Variants in C8orf34 observed in about 807,000 individuals in gnomAD.
C8orf34 encodes the protein chromosome 8 open reading frame 34, also known as uncharacterized protein C8orf34.
Under a neutral mutation model 68.3 loss-of-function variants are expected in C8orf34, and 65 were observed. The ratio of observed to expected loss-of-function variants is 0.95; its 90% CI spans 0.78 to 1.17. The LOEUF is 1.17. C8orf34 is among the 50% of genes most tolerant of loss of function. The probability of loss-of-function intolerance (pLI) is 0.00; values close to 1 mark genes in which losing one functional copy is unlikely to be tolerated. For synonymous variants in C8orf34, 244 were observed against 241.2 expected, an observed-to-expected ratio of 1.01 and a Z score of -0.11; for missense variants, 664 against 655.4, an observed-to-expected ratio of 1.01 and a Z score of -0.14.
At chr8:68,719,220 T>C (rs1821562041) in intron 9 of C8orf34, among the ~76,000 whole-genome samples, 1 of 152,126 alleles carries the variant, frequency 6.6e-6, no homozygotes, top group South Asian at 2.1e-4. Context: ...ATTTGGGCTA[T>C]TTGGCAGTAT....
At chr8:68,411,940 G>A (rs1266036943) in intron 1 of C8orf34, among the ~76,000 whole-genome samples, 1 of 152,192 alleles carries the variant, frequency 6.6e-6, no homozygotes, top group East Asian at 1.9e-4. Context: ...TTTGGGAGGT[G>A]ATTAAGTCAT....
chr8:68,391,402 T>G (rs937327447), intron 1 of C8orf34, among the ~76,000 whole-genome samples: 5 of 152,140 alleles, frequency 3.3e-5, no homozygotes, highest in Admixed American at 3.3e-4. Context: ...TATACTGACA[T>G]GCTGGTGGCC....
chr8:68,629,139 A>G (rs1469392241), intron 7 of C8orf34, among the ~76,000 whole-genome samples: 1 of 152,192 alleles, frequency 6.6e-6, no homozygotes, highest in East Asian at 1.9e-4. Flanking sequence ...TCACTACTCA[A>G]CTTTAACTAC....
chr8:68,415,063 G>C (rs557286426), intron 1 of C8orf34, among the ~76,000 whole-genome samples: 5 of 152,138 alleles, frequency 3.3e-5, no homozygotes, highest in Non-Finnish European at 7.3e-5. Flanking sequence ...CTGAGGTGTG[G>C]AAGCTAAGTA....
intron 8 of C8orf34, among the ~76,000 whole-genome samples, chr8:68,670,396 G>A (rs1244714440): frequency 2.0e-5 from 3 of 152,044 alleles, no homozygotes; most frequent in Admixed American, 6.6e-5. Flanking sequence ...AACCAAGAAC[G>A]TTTAACAACC....
chr8:68,751,142 T>G (rs1043951741), intron 10 of C8orf34, among the ~76,000 whole-genome samples: 3 of 152,094 alleles, frequency 2.0e-5, no homozygotes, highest in Non-Finnish European at 4.4e-5. Flanking sequence ...TCTCAGAGTT[T>G]TAGGAAATTC....
intron 6 of C8orf34, among the ~76,000 whole-genome samples, chr8:68,532,585 A>C (rs1436546851): frequency 6.6e-6 from 1 of 152,194 alleles, no homozygotes; most frequent in Non-Finnish European, 1.5e-5. Context: ...ATTTTAAAAC[A>C]TCTTAATGTA....
chr8:68,778,285 T>C (rs568590014), intron 11 of C8orf34, among the ~76,000 whole-genome samples: 2 of 152,312 alleles, frequency 1.3e-5, no homozygotes, highest in African/African-American at 4.8e-5. Flanking sequence ...TTATAAATGT[T>C]AGAAGCATTG....
intron 7 of C8orf34, among the ~76,000 whole-genome samples, chr8:68,552,429 A>G (rs936157118): frequency 6.6e-6 from 1 of 152,102 alleles, no homozygotes; most frequent in African/African-American, 2.4e-5. Flanking sequence ...ATTTAGTCCT[A>G]AGTGTTTTTT....
chr8:68,683,417 C>T (rs562831441), intron 8 of C8orf34, among the ~76,000 whole-genome samples: 6 of 151,522 alleles, frequency 4.0e-5, no homozygotes, highest in South Asian at 2.1e-4. Flanking sequence ...CTTGACCTAA[C>T]GGGGAGTACT....
intron 10 of C8orf34, among the ~76,000 whole-genome samples, chr8:68,740,332 GT>G (rs1201020606): frequency 3.3e-5 from 5 of 152,038 alleles, no homozygotes; most frequent in African/African-American, 1.2e-4. Context: ...ATGGGAGAAA[GT>G]TTTTTGCATA....
intron 7 of C8orf34, among the ~76,000 whole-genome samples, chr8:68,549,850 C>T (rs1586359632): frequency 6.6e-6 from 1 of 151,648 alleles, no homozygotes; most frequent in Middle Eastern, 3.4e-3. Flanking sequence ...TGTTCTAAGC[C>T]CCTCTTTTAT....
intron 7 of C8orf34, among the ~76,000 whole-genome samples, chr8:68,575,793 T>C (rs1427700914): frequency 6.6e-6 from 1 of 151,918 alleles, no homozygotes; most frequent in Non-Finnish European, 1.5e-5. Context: ...CAGTAGCATA[T>C]CATTTTTGTT....
chr8:68,738,552 TA>T (rs1371056810), intron 10 of C8orf34, among the ~76,000 whole-genome samples: 2 of 151,866 alleles, frequency 1.3e-5, no homozygotes, highest in Non-Finnish European at 2.9e-5. Flanking sequence ...CTAGCTAGAC[TA>T]ATGAAGAAAA....
chr8:68,812,328 A>G (rs1824676270), intron 12 of C8orf34, among the ~76,000 whole-genome samples: 1 of 152,154 alleles, frequency 6.6e-6, no homozygotes, highest in African/African-American at 2.4e-5. Flanking sequence ...AAGTACAACA[A>G]CTGTTCAAAG....
chr8:68,331,505 G>C (rs1342698209), intron 1 of C8orf34, 166 bp downstream of exon 1: 1 of 799,806 alleles, frequency 1.3e-6, no homozygotes. Flanking sequence ...GTCCCGGCCA[G>C]GTGTCCTGGA....
chr8:68,441,167 C>T (rs181546008), intron 2 of C8orf34, among the ~76,000 whole-genome samples: 2 of 151,728 alleles, frequency 1.3e-5, no homozygotes, highest in African/African-American at 4.8e-5. Context: ...AGTCTGTGCA[C>T]GGTTTAGCTG....
chr8:68,437,565 G>A (rs1043050007), intron 1 of C8orf34, among the ~76,000 whole-genome samples: 9 of 152,234 alleles, frequency 5.9e-5, no homozygotes, highest in Non-Finnish European at 1.2e-4. Context: ...GCATTCCACA[G>A]ATGTATACTT....
intron 8 of C8orf34, among the ~76,000 whole-genome samples, chr8:68,657,756 G>A (rs977232110): frequency 1.3e-5 from 2 of 152,088 alleles, no homozygotes; most frequent in Admixed American, 6.6e-5. Flanking sequence ...CTAATTCAAG[G>A]CATTGACACT....
Sources: gnomAD v4.1 joint callset for allele counts (sites outside exome capture counted in the v4.1 genomes callset) on GRCh38, gnomAD v4.1.1 for gene constraint, MANE v1.5 for transcripts, NCBI Gene and HGNC (gene_info 2026-07-23, HGNC 2026-07-21) for gene names.